CACNG8: variants seen among roughly 807,000 people sequenced by gnomAD.
The protein encoded by CACNG8 is voltage-dependent calcium channel gamma-8 subunit.
In CACNG8, 5 loss-of-function variants were observed where a neutral mutation model predicts 26.9. The ratio of observed to expected loss-of-function variants is 0.19; its 90% CI spans 0.10 to 0.39. The LOEUF is 0.39. CACNG8 is among the 10% of genes least tolerant of loss of function. The pLI is 1.00. For missense variants in CACNG8, 473 were observed against 609.4 expected (o/e 0.78, Z 2.36); for synonymous variants, 321 against 296.7 (o/e 1.08, Z -0.84).
Position 53,979,882 on chromosome 19 carries a change from C to G in CACNG8, c.383C>G (p.Ser128Cys). 8 of 1,606,376 alleles carry G rather than the reference C, an allele frequency of 5.0e-6. No homozygotes were observed. Among genetic ancestry groups the G allele is most frequent in the African/African-American group, 1.3e-5 (1 of 74,550 alleles). The change falls in exon 3 of 4, where the codon TCC (serine) becomes TGC (cysteine). Residue 128 changes from serine (S) to cysteine (C), a missense_variant. By Grantham distance (112) the Ser-to-Cys change is moderately radical. Transcript: ENST00000270458. ...TCCCCCGCAGGAGTTGTCCGGGCCTCCAGCATCTTCCCCATCCTTAGCGCC... is the reference window on the plus strand; with the variant it reads ...TCCCCCGCAGGAGTTGTCCGGGCCTGCAGCATCTTCCCCATCCTTAGCGCC...
intron 1 of CACNG8, among the ~76,000 whole-genome samples, chr19:53,967,001 G>T (rs2069275545): frequency 6.6e-6 from 1 of 152,104 alleles, no homozygotes; most frequent in Admixed American, 6.6e-5. Context: ...TCCAAAGCAG[G>T]GTTTTTCCAC....
intron 3 of CACNG8, among the ~76,000 whole-genome samples, chr19:53,980,210 G>A (rs2069357296): frequency 6.6e-6 from 1 of 152,194 alleles, no homozygotes. Flanking sequence ...CGCTGGGTAA[G>A]GTGGGTGTAG....
chr19:53,985,493 G>T lies in CACNG8; in HGVS notation c.*2644G>T, dbSNP rs975982267. 16 of 152,286 alleles carry T rather than the reference G, an allele frequency of 1.1e-4. No homozygotes were observed. Among genetic ancestry groups the T allele is most frequent in the African/African-American group, 3.6e-4 (15 of 41,426 alleles). The allele number at this position is 152,286 out of a possible 1,614,324, so 9.4% of individuals were successfully genotyped here. A position where few individuals can be genotyped will look rare whatever the true frequency, so the allele number is the denominator to read the frequency against. On this transcript the variant is annotated 3_prime_UTR_variant, in exon 4 of 4. Coordinates refer to ENST00000270458, the MANE Select transcript of CACNG8 (RefSeq NM_031895.6). ...AAGGAATACAAATCAGTGAGACGGA[G>T]AAGCGCTGAGTGAGAGAGACGGATA...
chr19:53,966,811 T>G (rs963000815), intron 1 of CACNG8, among the ~76,000 whole-genome samples: 3 of 152,198 alleles, frequency 2.0e-5, no homozygotes, highest in African/African-American at 4.8e-5. Flanking sequence ...GGTATGTTTC[T>G]TGCTGCTGTG....
intron 1 of CACNG8, among the ~76,000 whole-genome samples, chr19:53,963,911 C>T (rs2069257959): frequency 1.3e-5 from 2 of 151,272 alleles, no homozygotes; most frequent in South Asian, 4.2e-4. Flanking sequence ...AAGCCATCCT[C>T]CCACCTCTGC....
chr19:53,971,724 T>G (rs1025011554), intron 1 of CACNG8, among the ~76,000 whole-genome samples: 27 of 152,194 alleles, frequency 1.8e-4, no homozygotes, highest in Non-Finnish European at 4.4e-5. Flanking sequence ...GCCAGGGGAA[T>G]GTATTATTAG....
At chr19:53,978,022 CG>C in intron 1 of CACNG8, 123 bp from the exon 2 acceptor site, 1 of 635,528 alleles carries the variant, frequency 1.6e-6, no homozygotes, top group Admixed American at 2.6e-5. Flanking sequence ...CCAGGACTTG[CG>C]GTCTCCCAAG....
At position 53,978,192 on chromosome 19, in the gene CACNG8, C is replaced by A. The variant is rs1228993571; in HGVS notation, c.330C>A (p.Asp110Glu). The change falls in exon 2 of 4, where the codon GAC (aspartate) becomes GAA (glutamate). Residue 110 changes from aspartate to glutamate, a missense_variant. Physicochemically the swap from Asp to Glu is conservative, Grantham distance 45. Coordinates refer to ENST00000270458, the MANE Select transcript of CACNG8 (RefSeq NM_031895.6). ...TGAAGATCAATCATTTCCCGGAGGA[C>A]ACGGACTACGACCACGACAGCGCGG... 6.2e-7 allele frequency: 1 copy of A among 1,613,120 alleles called. No homozygotes were observed. Among genetic ancestry groups the A allele is most frequent in the African/African-American group, 1.3e-5 (1 of 74,918 alleles).
chr19:53,979,421 T>A (rs1474522049), intron 2 of CACNG8, among the ~76,000 whole-genome samples: 2 of 150,400 alleles, frequency 1.3e-5, no homozygotes, highest in African/African-American at 4.9e-5. Flanking sequence ...CCCAGATAGA[T>A]GAAGCGAGGC....
intron 3 of CACNG8, among the ~76,000 whole-genome samples, chr19:53,980,362 T>TG (rs1480433854): frequency 2.0e-5 from 3 of 151,418 alleles, no homozygotes; most frequent in African/African-American, 7.3e-5. Context: ...GAGACACAAT[T>TG]GGGCTCTTGA....
Position 53,982,461 on chromosome 19 carries a change from C to T in CACNG8, c.890C>T (p.Pro297Leu). ...GCGTCTCCCGGCGGCCCCGGGGGCC[C>T]GGGCTTTGCCTCCACGGACATCTCC... is the stretch of plus-strand genomic sequence containing the variant. Residue 297 changes from proline (P) to leucine (L), a missense_variant, in exon 4 of 4, where the codon CCG becomes CTG. Physicochemically the swap from Pro to Leu is moderately conservative, Grantham distance 98 (BLOSUM62 -3). This residue lies in a region of CACNG8 where 212 missense variants were observed against 214.4 expected (regional missense o/e 0.99). Coordinates refer to ENST00000270458, the MANE Select transcript of CACNG8 (RefSeq NM_031895.6). This position sits in a 1 kb window ranked among gnomAD's most constrained non-coding sequence, Gnocchi z 8.4. 1.3e-6 allele frequency: 2 copies of T among 1,515,286 alleles called. No homozygotes were observed. Among genetic ancestry groups the T allele is most frequent in the East Asian group, 2.6e-5 (1 of 38,136 alleles). The allele number at this position is 1,515,286 out of a possible 1,614,324, so 93.9% of individuals were successfully genotyped here. A position where few individuals can be genotyped will look rare whatever the true frequency, so the allele number is the denominator to read the frequency against.
Position 53,983,971 on chromosome 19 carries a change from C to A in CACNG8, c.*1122C>A, listed in dbSNP as rs1248443143. The stretch of plus-strand genomic sequence containing the variant: ...CCGTGGAACGGGTTTAAGCAGGACG[C>A]TAACGTGAATGGTGTACAAAGGGAA... On this transcript the variant is annotated 3_prime_UTR_variant, in exon 4 of 4. Transcript: ENST00000270458. The A allele has an allele frequency of 6.6e-6, 1 of 152,324 alleles. No individual in the cohort carries two copies. The highest frequency in any genetic ancestry group is 2.4e-5 in the African/African-American group (1 of 41,418). The allele number at this position is 152,324 out of a possible 1,614,324, so 9.4% of individuals were successfully genotyped here. A position where few individuals can be genotyped will look rare whatever the true frequency, so the allele number is the denominator to read the frequency against.
intron 1 of CACNG8, among the ~76,000 whole-genome samples, chr19:53,974,604 C>T (rs972650749): frequency 2.6e-5 from 4 of 151,402 alleles, no homozygotes; most frequent in Non-Finnish European, 5.9e-5. Flanking sequence ...TCTCCACATC[C>T]TTCATAACAC....
At chr19:53,980,331 CTGGGGAGGGGG>C (rs1487217914) in intron 3 of CACNG8, among the ~76,000 whole-genome samples, 1 of 151,240 alleles carries the variant, frequency 6.6e-6, no homozygotes, top group Non-Finnish European at 1.5e-5. Context: ...AGGGGAGGAG[CTGGGGAGGGGG>C]TGGGACCTTG....
Position 53,986,824 on chromosome 19 carries a change from G to A in CACNG8, c.*3975G>A, listed in dbSNP as rs905195889. On this transcript the variant is annotated 3_prime_UTR_variant, in exon 4 of 4. Coordinates refer to ENST00000270458, the MANE Select transcript of CACNG8 (RefSeq NM_031895.6). ...AGATGTGGATTGTGAGTAGGAAAGA[G>A]AGGTGAGAAAGTCTGGGGGCCAGGC... 1 of 152,362 alleles carries A rather than the reference G, an allele frequency of 6.6e-6. No homozygotes were observed. Among genetic ancestry groups the A allele is most frequent in the African/African-American group, 2.4e-5 (1 of 41,432 alleles). The allele number at this position is 152,362 out of a possible 1,614,324, so 9.4% of individuals were successfully genotyped here. A position where few individuals can be genotyped will look rare whatever the true frequency, so the allele number is the denominator to read the frequency against.
intron 2 of CACNG8, among the ~76,000 whole-genome samples, chr19:53,978,835 AAGAG>A (rs1350185881): frequency 3.6e-5 from 5 of 137,082 alleles, no homozygotes; most frequent in East Asian, 2.5e-4. Flanking sequence ...AAGAGGGAGA[AAGAG>A]AGATAGACGA....
At chr19:53,973,471 C>T (rs113659610) in intron 1 of CACNG8, among the ~76,000 whole-genome samples, 2,444 of 151,950 alleles carry the variant, frequency 0.016, 71 homozygotes, top group African/African-American at 0.055. Flanking sequence ...TGCAGTGAGC[C>T]GAGATTGTGC....
At chr19:53,963,784 C>T (rs1011252556) in intron 1 of CACNG8, among the ~76,000 whole-genome samples, 1 of 151,580 alleles carries the variant, frequency 6.6e-6, no homozygotes, top group Non-Finnish European at 1.5e-5. Context: ...ATTTCTTCCA[C>T]TCTGCCCTGT....
chr19:53,982,327 TGGCGGGAGC>T lies in CACNG8; in HGVS notation c.760_768del (p.Gly254_Gly256del). On this transcript the variant is annotated inframe_deletion, in exon 4 of 4. Transcript: ENST00000270458. The surrounding 1 kb of genome is among the most constrained non-coding windows in gnomAD (Gnocchi z 8.4). Reference sequence around the variant, plus strand: ...AGGCCGGCGGGGGCGCGGGCGGCAGTGGCGGGAGCGGCCCCTCGGCCATCCTCCGTCTGC... The same window carrying T: ...AGGCCGGCGGGGGCGCGGGCGGCAGTGGCCCCTCGGCCATCCTCCGTCTGC... 1 of 1,574,990 alleles carries T rather than the reference TGGCGGGAGC, an allele frequency of 6.3e-7. No homozygotes were observed. The highest frequency in any genetic ancestry group is 1.1e-5 in the South Asian group (1 of 87,420).
Sources: allele counts gnomAD v4.1 joint callset (sites outside exome capture counted in the v4.1 genomes callset), GRCh38; gene constraint gnomAD v4.1.1; regional missense constraint gnomAD v4.1.1; non-coding constraint Gnocchi (gnomAD v3.1); transcripts MANE v1.5; gene names NCBI Gene and HGNC (gene_info 2026-07-23, HGNC 2026-07-21).